Variants in AMACR observed in about 807,000 individuals in gnomAD.
The protein encoded by AMACR is alpha-methylacyl-CoA racemase.
AMACR carries 18 observed loss-of-function variants against 22.2 expected under a neutral mutation model. That is an observed-to-expected ratio of 0.81 (90% CI 0.56 to 1.20). The LOEUF (loss-of-function observed/expected upper bound fraction) is 1.20, where lower values mean the gene tolerates loss of function less well. Ranked by LOEUF, AMACR falls within the 50% of genes most tolerant of loss-of-function variation. AMACR has a pLI of 0.00. For synonymous variants in AMACR, 213 were observed against 191.3 expected, an observed-to-expected ratio of 1.11 and a Z score of -0.94; for missense variants, 499 against 490.6, an observed-to-expected ratio of 1.02 and a Z score of -0.16.
chr5:33,993,879 A>G, intron 4 of AMACR: 1 of 342,122 alleles, frequency 2.9e-6, no homozygotes, highest in Middle Eastern at 1.1e-3. Flanking sequence ...AGCCTGGGTG[A>G]CAGAGATCAC....
intron 3 of AMACR, among the ~76,000 whole-genome samples, chr5:34,003,096 G>C (rs559800823): frequency 1.9e-4 from 29 of 152,218 alleles, no homozygotes; most frequent in African/African-American, 6.5e-4. Context: ...TCCTTTCTTT[G>C]GTTTCCATGA....
chr5:33,997,038 T>C, intron 4 of AMACR: 2 of 674,172 alleles, frequency 3.0e-6, no homozygotes, highest in East Asian at 5.4e-5. Context: ...TTAAAACTTA[T>C]TTAAGTCACT....
Position 33,988,242 on chromosome 5 carries a change from G to A in AMACR, c.*851C>T. 2 of 1,382,256 alleles carry A rather than the reference G, an allele frequency of 1.4e-6. No homozygotes were observed. Among genetic ancestry groups the A allele is most frequent in the Non-Finnish European group, 9.9e-7 (1 of 1,012,834 alleles). The allele number at this position is 1,382,256 out of a possible 1,614,324, so 85.6% of individuals were successfully genotyped here. The stretch of plus-strand genomic sequence containing the variant: ...TCTTCTTTGTCAAAGACAGGTATAA[G>A]AAAGGCTTGTAACTTAACTCAGTCC... On this transcript the variant is annotated 3_prime_UTR_variant, in exon 5 of 5. Coordinates refer to ENST00000335606, the MANE Select transcript of AMACR (RefSeq NM_014324.6).
At position 33,988,857 on chromosome 5, in the gene AMACR, A is replaced by G; in HGVS notation, c.*236T>C. ...AAATATATCAAGCAAACTGGAAGGC[A>G]GAATAACTACCATAATTTAGTATAA... On this transcript the variant is annotated 3_prime_UTR_variant, in exon 5 of 5. Transcript: ENST00000335606. 1.5e-6 allele frequency: 2 copies of G among 1,366,188 alleles called. No individual in the cohort carries two copies. The highest frequency in any genetic ancestry group is 1.9e-6 in the Non-Finnish European group (2 of 1,062,682). 84.6% of individuals were successfully genotyped at this position (1,366,188 alleles called of 1,614,324 possible). A position where few individuals can be genotyped will look rare whatever the true frequency, so the allele number is the denominator to read the frequency against.
rs1561045442 is a variant in AMACR, at chr5:34,004,754, T to C, written c.392-20A>G. 6.2e-7 allele frequency: 1 copy of C among 1,612,980 alleles called. No individual in the cohort carries two copies. Among genetic ancestry groups the C allele is most frequent in the Non-Finnish European group, 8.5e-7 (1 of 1,179,090 alleles). ...GAACACCTACATCATTAAAAACAAA[T>C]TTAATGTCTCTTTTAAATTTAATCT... On this transcript the variant is annotated intron_variant, in intron 2 of 4. Coordinates refer to ENST00000335606, the MANE Select transcript of AMACR (RefSeq NM_014324.6).
At position 34,007,968 on chromosome 5, in the gene AMACR, G is replaced by T. The variant is rs767249127; in HGVS notation, c.52C>A (p.Pro18Thr). Residue 18 changes from proline to threonine, a missense_variant, in exon 1 of 5, where the codon CCG becomes ACG. Physicochemically the swap from Pro to Thr is conservative, Grantham distance 38. Coordinates refer to ENST00000335606, the MANE Select transcript of AMACR (RefSeq NM_014324.6). ...TCAGCCAGGACCATAGCACAGAACG[G>T]GCCCGGGGCCAGGCCGGACAGCTCC... ...VVELSGLAPG[P>T]FCAMVLADFG... 6.2e-7 allele frequency: 1 copy of T among 1,611,540 alleles called. No homozygotes were observed. Among genetic ancestry groups the T allele is most frequent in the Admixed American group, 1.7e-5 (1 of 60,000 alleles).
chr5:33,997,471 A>C, intron 4 of AMACR: 1 of 779,592 alleles, frequency 1.3e-6, no homozygotes, highest in Non-Finnish European at 2.4e-6. Context: ...CTTGCCTGGC[A>C]CGATACTGCT....
chr5:33,992,470 G>A (rs896921616), intron 4 of AMACR, among the ~76,000 whole-genome samples: 2 of 151,962 alleles, frequency 1.3e-5, no homozygotes, highest in African/African-American at 4.8e-5. Flanking sequence ...CACTTTGGAA[G>A]GCTGAGGCAG....
chr5:33,993,970 G>C (rs768231905), intron 4 of AMACR: 17 of 445,736 alleles, frequency 3.8e-5, no homozygotes, highest in East Asian at 2.8e-4. Context: ...TAAGAGACTT[G>C]CTATCTCAAA....
intron 4 of AMACR, among the ~76,000 whole-genome samples, chr5:33,995,264 C>T (rs1032727695): frequency 1.3e-5 from 2 of 152,160 alleles, no homozygotes; most frequent in African/African-American, 4.8e-5. Context: ...ATTTTACTTC[C>T]TAAGGGCCCC....
At chr5:33,998,153 A>T (rs1753700164) in intron 4 of AMACR, among the ~76,000 whole-genome samples, 1 of 152,256 alleles carries the variant, frequency 6.6e-6, no homozygotes, top group Admixed American at 6.5e-5. Context: ...AATCTGCAAG[A>T]CAGGTCATCT....
At chr5:34,000,259 A>G (rs2112058796) in intron 3 of AMACR, among the ~76,000 whole-genome samples, 1 of 152,324 alleles carries the variant, frequency 6.6e-6, no homozygotes, top group South Asian at 2.1e-4. Context: ...CTTCTCTCAG[A>G]GCCTAACGCC....
At position 33,988,840 on chromosome 5, in the gene AMACR, C is replaced by G. The variant is rs1332719216; in HGVS notation, c.*253G>C. 1 of 1,332,754 alleles carries G rather than the reference C, an allele frequency of 7.5e-7. No homozygotes were observed. Among genetic ancestry groups the G allele is most frequent in the East Asian group, 3.1e-5 (1 of 32,464 alleles). 82.6% of individuals were successfully genotyped at this position (1,332,754 alleles called of 1,614,324 possible). A position where few individuals can be genotyped will look rare whatever the true frequency, so the allele number is the denominator to read the frequency against. On this transcript the variant is annotated 3_prime_UTR_variant, in exon 5 of 5. Transcript: ENST00000335606. The stretch of plus-strand genomic sequence containing the variant: ...AGAATCTTAATATCAACAAATATAT[C>G]AAGCAAACTGGAAGGCAGAATAACT...
Position 34,005,741 on chromosome 5 carries a change from T to G in AMACR, c.391+15A>C, listed in dbSNP as rs1753952465. ...AATAAATTAAAAGTGTAGACTAAAT[T>G]TTTTTTCAACATACCTGACAAAGCC... On this transcript the variant is annotated intron_variant, in intron 2 of 4. Coordinates refer to ENST00000335606, the MANE Select transcript of AMACR (RefSeq NM_014324.6). 2 of 1,613,714 alleles carry G rather than the reference T, an allele frequency of 1.2e-6. No homozygotes were observed. The highest frequency in any genetic ancestry group is 1.7e-6 in the Non-Finnish European group (2 of 1,179,996).
chr5:34,002,899 C>A (rs1311380022), intron 3 of AMACR, among the ~76,000 whole-genome samples: 2 of 152,158 alleles, frequency 1.3e-5, no homozygotes, highest in East Asian at 3.9e-4. Flanking sequence ...CCCACAGGCA[C>A]ACACTCAGTA....
rs1753411853 is a variant in AMACR, at chr5:33,989,508, G to A, written c.740-6C>T. 1.2e-6 allele frequency: 2 copies of A among 1,609,910 alleles called. No individual in the cohort carries two copies. The highest frequency in any genetic ancestry group is 1.7e-6 in the Non-Finnish European group (2 of 1,176,338). On this transcript the variant is annotated splice_polypyrimidine_tract_variant and splice_region_variant and intron_variant, in intron 4 of 4. Coordinates refer to ENST00000335606, the MANE Select transcript of AMACR (RefSeq NM_014324.6). ...ATCAGACTTTAGTCCAAGTCCTGAG[G>A]AAAAATACAATTTCCTAAATTATTA...
intron 4 of AMACR, among the ~76,000 whole-genome samples, chr5:33,990,969 T>C (rs1203088161): frequency 6.6e-6 from 1 of 152,260 alleles, no homozygotes; most frequent in Non-Finnish European, 1.5e-5. Context: ...ATCTACAGGA[T>C]GTCTTTCACT....
At chr5:34,000,037 T>C (rs1412612405) in intron 3 of AMACR, among the ~76,000 whole-genome samples, 1 of 152,242 alleles carries the variant, frequency 6.6e-6, no homozygotes, top group African/African-American at 2.4e-5. Flanking sequence ...TTCTGACTCA[T>C]CAGAGCCTCA....
chr5:34,004,461 T>C, intron 3 of AMACR, 113 bp downstream of exon 3: 1 of 1,419,574 alleles, frequency 7.0e-7, no homozygotes, highest in South Asian at 1.2e-5. Context: ...TAACCTGGCT[T>C]GAAACTTCAA....
Sources: gnomAD v4.1 joint callset for allele counts (sites outside exome capture counted in the v4.1 genomes callset) on GRCh38, gnomAD v4.1.1 for gene constraint, MANE v1.5 for transcripts, NCBI Gene and HGNC (gene_info 2026-07-23, HGNC 2026-07-21) for gene names.